JAKMIP1: variants seen among roughly 807,000 people sequenced by gnomAD.
JAKMIP1 encodes janus kinase and microtubule-interacting protein 1.
In JAKMIP1, 33 loss-of-function variants were observed where a neutral mutation model predicts 113.0. The ratio of observed to expected loss-of-function variants is 0.29; its 90% CI spans 0.22 to 0.39. The LOEUF (loss-of-function observed/expected upper bound fraction) is 0.39. Ranked by LOEUF, JAKMIP1 falls within the 10% of genes least tolerant of loss-of-function variation. The pLI is 1.00. For synonymous variants in JAKMIP1, 480 were observed against 459.9 expected (o/e 1.04, Z -0.56); for missense variants, 813 against 1,080.5 (o/e 0.75, Z 3.47).
intron 2 of JAKMIP1, among the ~76,000 whole-genome samples, chr4:6,112,049 T>C (rs1213069616): frequency 1.3e-5 from 2 of 152,236 alleles, no homozygotes; most frequent in African/African-American, 2.4e-5. Flanking sequence ...TACCTCACTA[T>C]GCCCTACTCC....
At chr4:6,127,595 G>A (rs771907714) in intron 1 of JAKMIP1, among the ~76,000 whole-genome samples, 1 of 152,208 alleles carries the variant, frequency 6.6e-6, no homozygotes, top group Non-Finnish European at 1.5e-5. Context: ...GGCAGGCTGG[G>A]AGGTGGCCCC....
chr4:6,029,862 A>G (rs1457391912), intron 19 of JAKMIP1, 81 bp from the exon 20 acceptor site: 1 of 978,112 alleles, frequency 1.0e-6, no homozygotes, highest in Non-Finnish European at 1.6e-6. Flanking sequence ...ATTGTGGTCT[A>G]GCACAGAAGC....
chr4:6,052,483 T>C (rs536988978), intron 13 of JAKMIP1, among the ~76,000 whole-genome samples: 14 of 151,768 alleles, frequency 9.2e-5, no homozygotes, highest in African/African-American at 3.1e-4. Context: ...CTGTGTCTAC[T>C]AAAAATACAA....
intron 1 of JAKMIP1, among the ~76,000 whole-genome samples, chr4:6,128,754 T>G (rs534005567): frequency 1.3e-5 from 2 of 152,286 alleles, no homozygotes; most frequent in South Asian, 4.1e-4. Context: ...CACCTGCAGC[T>G]GGCTGACCTC....
At chr4:6,114,336 C>T (rs571247066) in intron 1 of JAKMIP1, among the ~76,000 whole-genome samples, 86 of 152,250 alleles carry the variant, frequency 5.6e-4, no homozygotes, top group Non-Finnish European at 1.1e-3. Context: ...GCGGGCAGCC[C>T]CAAAGAGGTC....
chr4:6,113,812 G>A (rs967492070), intron 1 of JAKMIP1, among the ~76,000 whole-genome samples: 4 of 152,134 alleles, frequency 2.6e-5, no homozygotes, highest in Admixed American at 6.5e-5. Flanking sequence ...TCCCCTACAC[G>A]AGGATGGGTT....
At chr4:6,027,568 T>A (rs1336081714) in intron 20 of JAKMIP1, among the ~76,000 whole-genome samples, 1 of 152,128 alleles carries the variant, frequency 6.6e-6, no homozygotes, top group Non-Finnish European at 1.5e-5. Flanking sequence ...GAAATGAAGG[T>A]GGCATGAGGC....
At chr4:6,166,544 G>A (rs1288468003) in intron 1 of JAKMIP1, among the ~76,000 whole-genome samples, 3 of 152,220 alleles carry the variant, frequency 2.0e-5, no homozygotes, top group East Asian at 3.9e-4. Flanking sequence ...GAGGCCATAG[G>A]GGTAGGAGGA....
chr4:6,089,787 T>C lies in JAKMIP1; in HGVS notation c.625-4158A>G, dbSNP rs1721787978. Among the ~76,000 whole-genome samples, 1 of 152,206 alleles carries C rather than the reference T, an allele frequency of 6.6e-6. No homozygotes were observed. The highest frequency in any genetic ancestry group is 1.5e-5 in the Non-Finnish European group (1 of 68,018). On this transcript the variant is annotated intron_variant, in intron 3 of 20. Coordinates refer to ENST00000409021, the MANE Select transcript of JAKMIP1 (RefSeq NM_001099433.2). This position sits in a 1 kb window ranked among gnomAD's most constrained non-coding sequence, Gnocchi z 5.3. ...CATCAATTCTCATTCTTGGTACCTG[T>C]AGTGGGATGAATAATGTCCCCCAAA... is the stretch of plus-strand genomic sequence containing the variant.
In JAKMIP1 at chr4:6,054,044, T is replaced by C. The variant is rs1431727828; in HGVS notation, c.1806+6A>G. 2 of 1,614,208 alleles carry C rather than the reference T, an allele frequency of 1.2e-6. No individual in the cohort carries two copies. Among genetic ancestry groups the C allele is most frequent in the Non-Finnish European group, 1.7e-6 (2 of 1,180,004 alleles). ...TTGAGAGTTTACAACAGATAGAGTC[T>C]CTTACTTCGAGTTCTAGCACTCTGA... is the stretch of plus-strand genomic sequence containing the variant. On this transcript the variant is annotated splice_donor_region_variant and intron_variant, in intron 13 of 20. Coordinates refer to ENST00000409021, the MANE Select transcript of JAKMIP1 (RefSeq NM_001099433.2).
At chr4:6,063,851 G>A (rs1027010489) in intron 9 of JAKMIP1, among the ~76,000 whole-genome samples, 9 of 152,212 alleles carry the variant, frequency 5.9e-5, no homozygotes, top group South Asian at 2.1e-4. Context: ...ATGTGGGGGC[G>A]CAAGGAGCTG....
Position 6,155,456 on chromosome 4 carries a change from G to A in JAKMIP1, c.-147-42459C>T, listed in dbSNP as rs939612945. On this transcript the variant is annotated intron_variant, in intron 1 of 20. Coordinates refer to ENST00000409021, the MANE Select transcript of JAKMIP1 (RefSeq NM_001099433.2). The surrounding 1 kb of genome is among the most constrained non-coding windows in gnomAD (Gnocchi z 6.1). ...TAAAACACTTGTCCAAAAGTGCACA[G>A]CTACTAAGCGGGACTCAAATCCAGA... Among the ~76,000 whole-genome samples, 7 of 152,186 alleles carry A rather than the reference G, an allele frequency of 4.6e-5. No homozygotes were observed. The highest frequency in any genetic ancestry group is 1.7e-4 in the African/African-American group (7 of 41,432).
intron 11 of JAKMIP1, among the ~76,000 whole-genome samples, chr4:6,057,445 G>T (rs571730238): frequency 6.6e-6 from 1 of 152,276 alleles, no homozygotes; most frequent in East Asian, 1.9e-4. Flanking sequence ...GTTGTTCTAG[G>T]ATGCTGAGAA....
At chr4:6,066,680 G>GGA (rs10635558) in intron 8 of JAKMIP1, among the ~76,000 whole-genome samples, 22,830 of 151,684 alleles carry the variant, frequency 0.15, 2,267 homozygotes, top group African/African-American at 0.28. Context: ...GCCCTCCCTG[G>GGA]GAGAAACCCT....
At position 6,107,762 on chromosome 4, in the gene JAKMIP1, T is replaced by C. The variant is rs993725079; in HGVS notation, c.130-1795A>G. On this transcript the variant is annotated intron_variant, in intron 2 of 20. Transcript: ENST00000409021. ...AACCTCTCACTCTGTGGGGGGTGTG[T>C]GTGTGTGTGTCACAACCTATTGGTT... Among the ~76,000 whole-genome samples the C allele has an allele frequency of 1.9e-4, 29 of 152,064 alleles. 1 individual carries two copies. The highest frequency in any genetic ancestry group is 7.0e-4 in the African/African-American group (29 of 41,394).
intron 1 of JAKMIP1, among the ~76,000 whole-genome samples, chr4:6,126,386 A>ACACAAACACACATCG: frequency 6.7e-6 from 1 of 148,806 alleles, no homozygotes; most frequent in Non-Finnish European, 1.5e-5. Context: ...AACACACATC[A>ACACAAACACACATCG]TACAGAAACA....
chr4:6,173,717 C>T (rs1725012046), intron 1 of JAKMIP1, among the ~76,000 whole-genome samples: 1 of 152,152 alleles, frequency 6.6e-6, no homozygotes, highest in African/African-American at 2.4e-5. Context: ...CAGTAAGCTG[C>T]AGACACCACG....
rs1387799812 is a variant in JAKMIP1, at chr4:6,059,465, T to C, written c.1644+959A>G. ...ACTGTATCCCACCAGGCCTAGGAAC[T>C]GTGGTAGACCTTGCCTGGCCTCCTC... On this transcript the variant is annotated intron_variant, in intron 11 of 20. Transcript: ENST00000409021. This position sits in a 1 kb window ranked among gnomAD's most constrained non-coding sequence, Gnocchi z 4.8. Among the ~76,000 whole-genome samples, 2 of 152,126 alleles carry C rather than the reference T, an allele frequency of 1.3e-5. No homozygotes were observed. Among genetic ancestry groups the C allele is most frequent in the Admixed American group, 6.5e-5 (1 of 15,284 alleles).
intron 3 of JAKMIP1, among the ~76,000 whole-genome samples, chr4:6,099,048 C>T (rs1234964190): frequency 6.6e-6 from 1 of 152,212 alleles, no homozygotes; most frequent in Admixed American, 6.5e-5. Flanking sequence ...ATCCCATTGA[C>T]TAAATACACC....
Sources: gnomAD v4.1 joint callset for allele counts (sites outside exome capture counted in the v4.1 genomes callset) on GRCh38, gnomAD v4.1.1 for gene constraint, Gnocchi (gnomAD v3.1) non-coding constraint, MANE v1.5 for transcripts, NCBI Gene and HGNC (gene_info 2026-07-23, HGNC 2026-07-21) for gene names.